TPD52L1: variants seen among roughly 807,000 people sequenced by gnomAD.
TPD52L1 encodes the protein TPD52 like 1.
Under a neutral mutation model 28.7 loss-of-function variants are expected in TPD52L1, and 18 were observed. That is an observed-to-expected ratio of 0.63 (90% CI 0.43 to 0.93). The LOEUF is 0.93. Ranked by LOEUF, TPD52L1 falls within the 40% of genes least tolerant of loss-of-function variation. TPD52L1 has a pLI of 0.00. For missense variants in TPD52L1, 203 were observed against 254.8 expected (o/e 0.80, Z 1.39); for synonymous variants, 75 against 88.8 (o/e 0.84, Z 0.88).
At chr6:125,177,180 G>A (rs1036198027) in intron 1 of TPD52L1, among the ~76,000 whole-genome samples, 3 of 152,178 alleles carry the variant, frequency 2.0e-5, no homozygotes, top group Non-Finnish European at 4.4e-5. Context: ...AGACTTGATG[G>A]CTAGCTCATC....
intron 1 of TPD52L1, among the ~76,000 whole-genome samples, chr6:125,198,751 T>G (rs1226058179): frequency 6.6e-6 from 1 of 152,194 alleles, no homozygotes; most frequent in East Asian, 1.9e-4. Flanking sequence ...CCTCAATGTG[T>G]TGTCAATGGC....
chr6:125,203,649 T>A, intron 1 of TPD52L1: 1 of 985,430 alleles, frequency 1.0e-6, no homozygotes, highest in Non-Finnish European at 1.2e-6. Context: ...CCTTGGTGTG[T>A]GCATAAGGCC....
chr6:125,258,031 T>C (rs1004241008), intron 6 of TPD52L1, among the ~76,000 whole-genome samples: 2 of 152,254 alleles, frequency 1.3e-5, no homozygotes, highest in African/African-American at 4.8e-5. Flanking sequence ...ATTATTCAGC[T>C]GCCTCTGAAT....
At chr6:125,239,224 A>G (rs187849255) in intron 3 of TPD52L1, among the ~76,000 whole-genome samples, 1 of 152,312 alleles carries the variant, frequency 6.6e-6, no homozygotes, top group East Asian at 1.9e-4. Context: ...TCTGATAATT[A>G]GTGATGTGAG....
chr6:125,246,862 A>G (rs571795425), intron 3 of TPD52L1, among the ~76,000 whole-genome samples: 2 of 151,932 alleles, frequency 1.3e-5, no homozygotes, highest in South Asian at 2.1e-4. Flanking sequence ...CATTTTTGAT[A>G]GGAAATGTCT....
At chr6:125,175,064 C>T (rs1791736244) in intron 1 of TPD52L1, among the ~76,000 whole-genome samples, 1 of 151,962 alleles carries the variant, frequency 6.6e-6, no homozygotes, top group Non-Finnish European at 1.5e-5. Flanking sequence ...TTTACTCTGC[C>T]TTATTTTTCT....
intron 2 of TPD52L1, chr6:125,222,004 T>C (rs900812687): frequency 6.6e-6 from 1 of 152,186 alleles, no homozygotes; most frequent in East Asian, 1.9e-4. Flanking sequence ...GCAGAGAAAG[T>C]GTATCTTTGC....
intron 1 of TPD52L1, among the ~76,000 whole-genome samples, chr6:125,211,304 T>G (rs1029673468): frequency 2.7e-5 from 4 of 147,952 alleles, no homozygotes; most frequent in African/African-American, 1.0e-4. Context: ...TCTATCTATC[T>G]ATCGTGTAAC....
At chr6:125,211,013 G>T (rs922105781) in intron 1 of TPD52L1, among the ~76,000 whole-genome samples, 2 of 152,234 alleles carry the variant, frequency 1.3e-5, no homozygotes, top group East Asian at 3.9e-4. Flanking sequence ...GAATTCTGCA[G>T]GACAGAGCCA....
chr6:125,175,180 T>G (rs1485715209), intron 1 of TPD52L1, among the ~76,000 whole-genome samples: 1 of 152,142 alleles, frequency 6.6e-6, no homozygotes, highest in Non-Finnish European at 1.5e-5. Flanking sequence ...TTTATTGCCG[T>G]ATCCCCATAT....
chr6:125,207,487 G>C (rs1265496957), intron 1 of TPD52L1, among the ~76,000 whole-genome samples: 1 of 152,200 alleles, frequency 6.6e-6, no homozygotes, highest in Non-Finnish European at 1.5e-5. Flanking sequence ...GACACTGATG[G>C]TCTTTTTTCT....
At chr6:125,203,381 G>GT (rs528232977) in intron 1 of TPD52L1, among the ~76,000 whole-genome samples, 1 of 151,798 alleles carries the variant, frequency 6.6e-6, no homozygotes, top group African/African-American at 2.4e-5. Flanking sequence ...TGTCGGGGGT[G>GT]TTTTTTTCTT....
chr6:125,202,852 G>C (rs1377046707), intron 1 of TPD52L1, among the ~76,000 whole-genome samples: 1 of 140,834 alleles, frequency 7.1e-6, no homozygotes, highest in East Asian at 2.2e-4. Flanking sequence ...TGCAAACTCT[G>C]CCTCCCCGGT....
chr6:125,181,758 T>G (rs1391620854), intron 1 of TPD52L1, among the ~76,000 whole-genome samples: 2 of 152,236 alleles, frequency 1.3e-5, no homozygotes, highest in African/African-American at 4.8e-5. Flanking sequence ...CTTGCCAGTT[T>G]ACATTGGCGT....
chr6:125,251,726 CAGTT>C (rs1797275849), intron 4 of TPD52L1, among the ~76,000 whole-genome samples: 1 of 152,178 alleles, frequency 6.6e-6, no homozygotes, highest in African/African-American at 2.4e-5. Flanking sequence ...GGGAACTTCT[CAGTT>C]AATTTGTTCA....
intron 1 of TPD52L1, among the ~76,000 whole-genome samples, chr6:125,217,192 T>A (rs895416741): frequency 6.6e-6 from 1 of 152,168 alleles, no homozygotes; most frequent in Admixed American, 6.5e-5. Flanking sequence ...CACCAGGAAC[T>A]GGTTTCGTGG....
At chr6:125,236,082 A>T (rs2115004301) in intron 3 of TPD52L1, among the ~76,000 whole-genome samples, 1 of 152,320 alleles carries the variant, frequency 6.6e-6, no homozygotes, top group South Asian at 2.1e-4. Flanking sequence ...ACCCTGGACT[A>T]GGCCCTAGAC....
chr6:125,217,938 T>C (rs1277081024), intron 1 of TPD52L1, among the ~76,000 whole-genome samples: 1 of 152,198 alleles, frequency 6.6e-6, no homozygotes, highest in African/African-American at 2.4e-5. Flanking sequence ...ATTTTGCTAT[T>C]GTCCAGTCTT....
intron 1 of TPD52L1, among the ~76,000 whole-genome samples, chr6:125,179,967 G>A (rs938758714): frequency 7.2e-5 from 11 of 152,180 alleles, no homozygotes; most frequent in African/African-American, 2.2e-4. Context: ...AAGGGAGGGT[G>A]TTTGAAAGCC....
Sources: allele counts gnomAD v4.1 joint callset (sites outside exome capture counted in the v4.1 genomes callset), GRCh38; gene constraint gnomAD v4.1.1; transcripts MANE v1.5; gene names NCBI Gene and HGNC (gene_info 2026-07-23, HGNC 2026-07-21).